DLG2: variants seen among roughly 807,000 people sequenced by gnomAD.
DLG2 encodes the protein discs large MAGUK scaffold protein 2, also known as disks large homolog 2.
Under a neutral mutation model 132.5 loss-of-function variants are expected in DLG2, and 45 were observed. The ratio of observed to expected loss-of-function variants is 0.34; its 90% CI spans 0.27 to 0.44. The LOEUF is 0.44. DLG2 is among the 20% of genes least tolerant of loss of function. DLG2 has a pLI of 1.00. For missense variants in DLG2, 1,045 were observed against 1,196.9 expected (o/e 0.87, Z 1.87); for synonymous variants, 424 against 419.6 (o/e 1.01, Z -0.13).
intron 18 of DLG2, chr11:83,692,951 C>T (rs559570581): frequency 6.6e-6 from 1 of 152,256 alleles, no homozygotes; most frequent in South Asian, 2.1e-4. Flanking sequence ...AATCTTTTGG[C>T]TTCAGAGCTA....
chr11:85,148,078 T>A (rs952036729), intron 5 of DLG2, among the ~76,000 whole-genome samples: 30 of 152,194 alleles, frequency 2.0e-4, no homozygotes, highest in Non-Finnish European at 1.5e-5. Context: ...GCAAAAGACA[T>A]TATCTCATTC....
intron 6 of DLG2, among the ~76,000 whole-genome samples, chr11:84,900,694 G>C (rs762934618): frequency 1.3e-5 from 2 of 151,986 alleles, no homozygotes; most frequent in African/African-American, 2.4e-5. Flanking sequence ...ATTGAAGATA[G>C]AACTAAATGA....
At chr11:85,350,488 C>G (rs1282575569) in intron 3 of DLG2, among the ~76,000 whole-genome samples, 3 of 152,180 alleles carry the variant, frequency 2.0e-5, no homozygotes, top group Non-Finnish European at 4.4e-5. Context: ...TTGCCCATGC[C>G]TATGTCCTGA....
intron 8 of DLG2, among the ~76,000 whole-genome samples, chr11:84,165,929 CA>C (rs1184356905): frequency 1.3e-5 from 2 of 151,874 alleles, no homozygotes; most frequent in East Asian, 3.9e-4. Flanking sequence ...ACAACAACAA[CA>C]ACAAAGCATC....
chr11:85,352,098 G>A (rs1344656951), intron 3 of DLG2, among the ~76,000 whole-genome samples: 3 of 152,100 alleles, frequency 2.0e-5, no homozygotes, highest in Non-Finnish European at 4.4e-5. Context: ...CCTGTTATTG[G>A]TCTATTCAGG....
intron 19 of DLG2, among the ~76,000 whole-genome samples, chr11:83,618,743 A>G (rs903874257): frequency 3.3e-5 from 5 of 152,164 alleles, no homozygotes; most frequent in African/African-American, 4.8e-5. Flanking sequence ...ATGGTAGTGT[A>G]TACCTCCTAT....
chr11:83,964,231 C>T (rs1456801782), intron 13 of DLG2, among the ~76,000 whole-genome samples: 5 of 149,214 alleles, frequency 3.4e-5, no homozygotes, highest in Non-Finnish European at 7.4e-5. Context: ...CACAGACTAT[C>T]AGGGCTGATT....
At chr11:84,940,258 C>A (rs531010433) in intron 6 of DLG2, among the ~76,000 whole-genome samples, 11 of 152,350 alleles carry the variant, frequency 7.2e-5, no homozygotes, top group Non-Finnish European at 1.6e-4. Flanking sequence ...TCAAACGATT[C>A]TCCTGCCTCA....
chr11:85,060,951 T>C (rs1593415468), intron 6 of DLG2, among the ~76,000 whole-genome samples: 1 of 151,748 alleles, frequency 6.6e-6, no homozygotes, highest in Non-Finnish European at 1.5e-5. Flanking sequence ...TGAAGTGATA[T>C]CTCCTTGTGG....
intron 3 of DLG2, among the ~76,000 whole-genome samples, chr11:85,485,450 G>A (rs2093408607): frequency 6.6e-6 from 1 of 152,194 alleles, no homozygotes; most frequent in African/African-American, 2.4e-5. Flanking sequence ...CTCATTAGAA[G>A]CAGCTAGTAC....
intron 3 of DLG2, among the ~76,000 whole-genome samples, chr11:85,299,734 G>A (rs2079467929): frequency 6.6e-6 from 1 of 152,136 alleles, no homozygotes; most frequent in African/African-American, 2.4e-5. Flanking sequence ...TATCACCAGA[G>A]TTTCTGATTC....
At chr11:84,603,375 AC>A (rs1398529962) in intron 6 of DLG2, among the ~76,000 whole-genome samples, 2 of 151,982 alleles carry the variant, frequency 1.3e-5, no homozygotes, top group Admixed American at 6.6e-5. Context: ...TTGAAATGTG[AC>A]TTTTCCTCTA....
intron 4 of DLG2, among the ~76,000 whole-genome samples, chr11:85,197,790 G>C (rs2081177536): frequency 6.6e-6 from 1 of 152,092 alleles, no homozygotes; most frequent in Non-Finnish European, 1.5e-5. Flanking sequence ...ATTGTATAAA[G>C]GATACATCCC....
chr11:84,135,236 G>A (rs1480904627), intron 9 of DLG2, among the ~76,000 whole-genome samples: 1 of 152,050 alleles, frequency 6.6e-6, no homozygotes, highest in African/African-American at 2.4e-5. Flanking sequence ...AACCAGCAGA[G>A]ACTCAACATT....
intron 7 of DLG2, among the ~76,000 whole-genome samples, chr11:84,462,853 C>T (rs1602560931): frequency 6.6e-6 from 1 of 151,216 alleles, no homozygotes; most frequent in East Asian, 2.0e-4. Context: ...TCAGAACCTA[C>T]AAAGAGTTTA....
In DLG2 at chr11:84,360,233, T is replaced by TA. The variant is rs371156405; in HGVS notation, c.520-108943dup. Among the ~76,000 whole-genome samples the TA allele has an allele frequency of 3.0e-4, 45 of 151,378 alleles. 1 individual carries two copies. In the South Asian group the frequency reaches 8.8e-3, roughly 30 times the overall value. On this transcript the variant is annotated intron_variant, in intron 7 of 27. Transcript: ENST00000376104. ...AATTTTTTTTAAAGAAATCCAATTC[T>TA]AAAAAAAATGTGATTATAGGGGTAG...
At chr11:85,518,898 G>A (rs1024408209) in intron 3 of DLG2, among the ~76,000 whole-genome samples, 3 of 152,310 alleles carry the variant, frequency 2.0e-5, no homozygotes, top group East Asian at 3.9e-4. Flanking sequence ...TCAGGTTGTT[G>A]CTTCAGAGGG....
chr11:84,465,906 T>C (rs1394957966), intron 7 of DLG2, among the ~76,000 whole-genome samples: 2 of 151,250 alleles, frequency 1.3e-5, no homozygotes, highest in African/African-American at 4.8e-5. Context: ...AAACCATTTA[T>C]CTCATAAAGC....
intron 6 of DLG2, among the ~76,000 whole-genome samples, chr11:84,727,286 CG>C (rs2062597691): frequency 6.6e-6 from 1 of 151,988 alleles, no homozygotes; most frequent in Admixed American, 6.6e-5. Context: ...GTGTAAGGAA[CG>C]GGTCCAGTGT....
Sources: allele counts gnomAD v4.1 joint callset (sites outside exome capture counted in the v4.1 genomes callset), GRCh38; gene constraint gnomAD v4.1.1; transcripts MANE v1.5; gene names NCBI Gene and HGNC (gene_info 2026-07-23, HGNC 2026-07-21).